PYHIN1: variants seen among roughly 807,000 people sequenced by gnomAD.
The protein encoded by PYHIN1 is pyrin and HIN domain-containing protein 1.
In PYHIN1, 32 loss-of-function variants were observed where a neutral mutation model predicts 43.7. That is an observed-to-expected ratio of 0.73 (90% confidence interval 0.55 to 0.98). The LOEUF (loss-of-function observed/expected upper bound fraction) is 0.98. Ranked by LOEUF, PYHIN1 falls within the 50% of genes least tolerant of loss-of-function variation. The probability of loss-of-function intolerance (pLI) is 0.00; values close to 1 mark genes in which losing one functional copy is unlikely to be tolerated. For missense variants in PYHIN1, 588 were observed against 589.5 expected (o/e 1.00, Z 0.03); for synonymous variants, 205 against 203.1 (o/e 1.01, Z -0.08).
rs773342525 is a variant in PYHIN1, at chr1:158,942,305, A to C, written c.908A>C (p.Asp303Ala). The change falls in exon 5 of 9, where the codon GAC (aspartate) becomes GCC (alanine). Residue 303 changes from aspartate (D) to alanine (A), a missense_variant. Transcript: ENST00000368140. ...GACCAAACGTTTGAGGTTCCAAAGG[A>C]CATCATCAGAAGAGCAAAGAAAATT... ...GPDQTFEVPK[D>A]IIRRAKKIPK... 6.2e-7 allele frequency: 1 copy of C among 1,613,980 alleles called. No individual in the cohort carries two copies. The highest frequency in any genetic ancestry group is 8.5e-7 in the Non-Finnish European group (1 of 1,179,912).
At chr1:158,962,985 A>G (rs1171487915) in intron 7 of PYHIN1, among the ~76,000 whole-genome samples, 1 of 152,010 alleles carries the variant, frequency 6.6e-6, no homozygotes, top group Non-Finnish European at 1.5e-5. Context: ...CACCACAGTC[A>G]CCATACAGGC....
At chr1:158,967,187 G>T (rs937658772) in intron 7 of PYHIN1, among the ~76,000 whole-genome samples, 1 of 151,928 alleles carries the variant, frequency 6.6e-6, no homozygotes, top group Admixed American at 6.6e-5. Context: ...TTTTTTTCTA[G>T]AGCAGGCTAT....
At chr1:158,956,748 G>C (rs1012462859) in intron 7 of PYHIN1, among the ~76,000 whole-genome samples, 2 of 149,672 alleles carry the variant, frequency 1.3e-5, no homozygotes, top group East Asian at 2.0e-4. Flanking sequence ...TGGAAGTTCT[G>C]GCCAGGGCAA....
At chr1:158,938,985 A>G (rs1030461360) in intron 3 of PYHIN1, 95 bp from the exon 4 acceptor site, 2 of 969,670 alleles carry the variant, frequency 2.1e-6, no homozygotes, top group African/African-American at 3.4e-5. Flanking sequence ...AAGAAAAACA[A>G]TTTATATACA....
At chr1:158,958,682 AC>A (rs1650121926) in intron 7 of PYHIN1, among the ~76,000 whole-genome samples, 1 of 151,032 alleles carries the variant, frequency 6.6e-6, no homozygotes. Flanking sequence ...GGTGCAATGC[AC>A]CAGCATGGCA....
chr1:158,966,387 C>A (rs1271926609), intron 7 of PYHIN1, among the ~76,000 whole-genome samples: 3 of 152,040 alleles, frequency 2.0e-5, no homozygotes, highest in Non-Finnish European at 2.9e-5. Context: ...AGGCCAGCAT[C>A]ATCCTGATAA....
intron 7 of PYHIN1, 99 bp from the exon 8 acceptor site, chr1:158,973,548 T>A (rs182091669): frequency 4.3e-6 from 5 of 1,163,032 alleles, no homozygotes; most frequent in South Asian, 1.3e-5. Flanking sequence ...TATACACACA[T>A]GTATTACATC....
At position 158,933,518 on chromosome 1, in the gene PYHIN1, T is replaced by G. The variant is rs1648295989; in HGVS notation, c.-21+1742T>G. Among the ~76,000 whole-genome samples the G allele has an allele frequency of 6.6e-6, 1 of 152,008 alleles. No homozygotes were observed. Among genetic ancestry groups the G allele is most frequent in the East Asian group, 1.9e-4 (1 of 5,206 alleles). ...CCTTGCATGATAATTTAAATTTTTT[T>G]TCATCTTTCAGTGATCTTTTACTGA... On this transcript the variant is annotated intron_variant, in intron 1 of 8. Coordinates refer to ENST00000368140, the MANE Select transcript of PYHIN1 (RefSeq NM_152501.5). The surrounding 1 kb of genome is among the most constrained non-coding windows in gnomAD (Gnocchi z 6.3).
intron 1 of PYHIN1, among the ~76,000 whole-genome samples, chr1:158,936,539 A>G (rs1648552832): frequency 6.6e-6 from 1 of 152,136 alleles, no homozygotes; most frequent in African/African-American, 2.4e-5. Context: ...AGGCTGGTTC[A>G]ACATACAAAA....
the PYHIN1 span, among the ~76,000 whole-genome samples, chr1:158,986,952 T>C: frequency 1.3e-5 from 2 of 152,204 alleles, no homozygotes; most frequent in South Asian, 4.1e-4. Flanking sequence ...TGCAACACTT[T>C]CCCACATTTT....
intron 8 of PYHIN1, among the ~76,000 whole-genome samples, chr1:158,975,512 A>G (rs991935820): frequency 6.6e-6 from 1 of 152,106 alleles, no homozygotes; most frequent in Non-Finnish European, 1.5e-5. Context: ...AGGCTGACAT[A>G]AAAAACTTGC....
At chr1:158,977,976 T>C (rs745405964), downstream of PYHIN1, among the ~76,000 whole-genome samples, 2 of 152,094 alleles carry the variant, frequency 1.3e-5, no homozygotes, top group Non-Finnish European at 2.9e-5. Context: ...AAAAAGTAGA[T>C]AAATGCAAAA....
At chr1:158,981,301 C>T (rs940919699), downstream of PYHIN1, among the ~76,000 whole-genome samples, 1 of 152,076 alleles carries the variant, frequency 6.6e-6, no homozygotes, top group Non-Finnish European at 1.5e-5. Context: ...GAAACCCTGT[C>T]TCTACTAAAA....
At chr1:158,988,174 T>C in the PYHIN1 span, among the ~76,000 whole-genome samples, 1 of 152,286 alleles carries the variant, frequency 6.6e-6, no homozygotes, top group East Asian at 1.9e-4. Flanking sequence ...ACCCAGTTTG[T>C]GGTATTTTCT....
intron 7 of PYHIN1, among the ~76,000 whole-genome samples, chr1:158,950,119 T>C (rs1649449483): frequency 6.6e-6 from 1 of 152,026 alleles, no homozygotes; most frequent in South Asian, 2.1e-4. Flanking sequence ...GGAAAGGGAG[T>C]GTCTGCCCAA....
At chr1:158,966,280 C>A (rs1296192511) in intron 7 of PYHIN1, among the ~76,000 whole-genome samples, 1 of 152,028 alleles carries the variant, frequency 6.6e-6, no homozygotes, top group African/African-American at 2.4e-5. Context: ...GATTCACAGC[C>A]AAATGCTATC....
At chr1:158,965,047 A>G (rs1223380335) in intron 7 of PYHIN1, among the ~76,000 whole-genome samples, 1 of 152,074 alleles carries the variant, frequency 6.6e-6, no homozygotes, top group Non-Finnish European at 1.5e-5. Context: ...AGAAAAATCT[A>G]CCAAACAAAT....
In PYHIN1 at chr1:158,972,143, A is replaced by T. The variant is rs149744766; in HGVS notation, c.1360-1504A>T. Among the ~76,000 whole-genome samples the T allele has an allele frequency of 2.6e-5, 4 of 152,066 alleles. No homozygotes were observed. The East Asian group carries it at 7.7e-4, about 29-fold the overall frequency. On this transcript the variant is annotated intron_variant, in intron 7 of 8. Coordinates refer to ENST00000368140, the MANE Select transcript of PYHIN1 (RefSeq NM_152501.5). ...CACCCAAACATATGACTCCAATAAGATAGTATCCTTTCAAAGTGTATAGTC... is the reference window on the plus strand; with the variant it reads ...CACCCAAACATATGACTCCAATAAGTTAGTATCCTTTCAAAGTGTATAGTC...
At chr1:158,952,956 A>C (rs1055013399) in intron 7 of PYHIN1, among the ~76,000 whole-genome samples, 8 of 152,228 alleles carry the variant, frequency 5.3e-5, no homozygotes, top group Admixed American at 2.0e-4. Context: ...CACAAGGGTC[A>C]GGGAGTTCCC....
Sources: allele counts gnomAD v4.1 joint callset (sites outside exome capture counted in the v4.1 genomes callset), GRCh38; gene constraint gnomAD v4.1.1; non-coding constraint Gnocchi (gnomAD v3.1); transcripts MANE v1.5; gene names NCBI Gene and HGNC (gene_info 2026-07-23, HGNC 2026-07-21).